Variants in JOSD2 observed in about 807,000 individuals in gnomAD.
The protein encoded by JOSD2 is Josephin domain containing 2, also known as josephin-2.
A neutral mutation model predicts 19.3 loss-of-function variants in JOSD2; 20 were observed. The ratio of observed to expected loss-of-function variants is 1.04; its 90% CI spans 0.73 to 1.51. JOSD2 has a LOEUF of 1.51. Among genes scored for constraint, JOSD2 ranks in the 40% most tolerant of loss-of-function variants. The probability of loss-of-function intolerance (pLI) is 0.00; values close to 1 mark genes in which losing one functional copy is unlikely to be tolerated. For synonymous variants in JOSD2, 118 were observed against 123.7 expected (o/e 0.95, Z 0.31); for missense variants, 215 against 250.4 (o/e 0.86, Z 0.95).
At chr19:50,509,910 G>A (rs1041986369) in intron 2 of JOSD2, among the ~76,000 whole-genome samples, 16 of 151,872 alleles carry the variant, frequency 1.1e-4, no homozygotes, top group Admixed American at 5.2e-4. Context: ...AAAATTAGCC[G>A]GGCGTGGTGG....
intron 2 of JOSD2, chr19:50,510,000 C>T (rs1200763395): frequency 1.0e-5 from 3 of 295,832 alleles, no homozygotes; most frequent in East Asian, 8.8e-5. Flanking sequence ...TCGCAGTGAG[C>T]GAGATCGCGC....
In JOSD2 at chr19:50,510,401, G is replaced by A; in HGVS notation, c.31C>T (p.Pro11Ser). 1 of 1,612,212 alleles carries A rather than the reference G, an allele frequency of 6.2e-7. No individual in the cohort carries two copies. The highest frequency in any genetic ancestry group is 8.5e-7 in the Non-Finnish European group (1 of 1,179,190). The change falls in exon 2 of 5, where the codon CCA becomes TCA. Residue 11 changes from proline (P) to serine (S), a missense_variant. By Grantham distance (74) the Pro-to-Ser change is moderately conservative (BLOSUM62 -1). Transcript: ENST00000598418. MSQAPGAQPS[P>S]PTVYHERQRL... ...TGCCGTTCGTGGTACACGGTGGGTG[G>A]GCTCGGCTGTGCTCCCGGGGCCTGG... is the stretch of plus-strand genomic sequence containing the variant.
Position 50,510,291 on chromosome 19 carries a change from G to A in JOSD2, c.141C>T (p.Cys47=), listed in dbSNP as rs781751120. 20 of 1,613,270 alleles carry A rather than the reference G, an allele frequency of 1.2e-5. No individual in the cohort carries two copies. Among genetic ancestry groups the A allele is most frequent in the Non-Finnish European group, 1.6e-5 (19 of 1,180,002 alleles). ...LFSQEAADEI[C]KRLAPDSRLN... ...CTGGGGTGGGTGACGGTCACCTCTT[G>A]CAGATCTCATCGGCAGCCTCCTGGC... Residue 47 remains cysteine, a synonymous_variant, in exon 2 of 5, where the codon TGC becomes TGT. Coordinates refer to ENST00000598418, the MANE Select transcript of JOSD2 (RefSeq NM_001270639.2).
chr19:50,508,698 CGTGTGTGTGTGTGTGT>C (rs58475114), intron 2 of JOSD2, among the ~76,000 whole-genome samples: 37 of 140,910 alleles, frequency 2.6e-4, no homozygotes, highest in African/African-American at 6.6e-4. Context: ...GGAAAACGCT[CGTGTGTGTGTGTGTGT>C]GTGTGTGTGT....
chr19:50,507,590 A>G lies in JOSD2; in HGVS notation c.256T>C (p.Trp86Arg), dbSNP rs755743095. 3 of 1,606,420 alleles carry G rather than the reference A, an allele frequency of 1.9e-6. No homozygotes were observed. In the African/African-American group the frequency reaches 4.0e-5, roughly 21 times the overall value. Residue 86 changes from tryptophan to arginine, a missense_variant, in exon 3 of 5, where the codon TGG (tryptophan) becomes CGG (arginine). Transcript: ENST00000598418. Reference protein sequence around the residue: ...ALQGLGLAAVWWDRRRPLSQL... With the variant: ...ALQGLGLAAVRWDRRRPLSQL... ...GGGGCCTACCTCCTCCTGTCCCACCACACGGCGGCCAGGCCCAGCCCCTGC... is the reference window on the plus strand; with the variant it reads ...GGGGCCTACCTCCTCCTGTCCCACCGCACGGCGGCCAGGCCCAGCCCCTGC...
chr19:50,509,538 G>A (rs1447291194), intron 2 of JOSD2, among the ~76,000 whole-genome samples: 2 of 152,172 alleles, frequency 1.3e-5, no homozygotes, highest in East Asian at 3.9e-4. Flanking sequence ...GTTTGAGGGG[G>A]GCCGTGAGGG....
In JOSD2 at chr19:50,506,380, G is replaced by C. The variant is rs201704506; in HGVS notation, c.465C>G (p.Val155=). 1.9e-4 allele frequency: 299 copies of C among 1,605,636 alleles called. No homozygotes were observed. In the East Asian group the frequency reaches 5.1e-3, roughly 27 times the overall value. The change falls in exon 4 of 5, where the codon GTC becomes GTG. Residue 155 remains valine, a splice_region_variant and synonymous_variant. Transcript: ENST00000598418. ...GGAATCGCCTCTGTGGGGCTCACCTGACTCCGTCCTCATCCCCCAGGGCCT... is the reference window on the plus strand; with the variant it reads ...GGAATCGCCTCTGTGGGGCTCACCTCACTCCGTCCTCATCCCCCAGGGCCT... ...APEALGDEDG[V]RAFLAAALAQ...
chr19:50,506,200 C>T lies in JOSD2; in HGVS notation c.540G>A (p.Glu180=), dbSNP rs1350032855. ...VLLVVTKEVE[E]KGSWLRTD The stretch of plus-strand genomic sequence containing the variant: ...AGTCTGTCCGCAGCCAGCTGCCCTT[C>T]TCCTCCACCTCCTTGGTCACTACCA... The change falls in exon 5 of 5, where the codon GAG becomes GAA. Residue 180 remains glutamate, a synonymous_variant. Transcript: ENST00000598418. 9 of 1,612,734 alleles carry T rather than the reference C, an allele frequency of 5.6e-6. No individual in the cohort carries two copies. The highest frequency in any genetic ancestry group is 3.3e-5 in the South Asian group (3 of 91,084).
intron 2 of JOSD2, 75 bp downstream of exon 2, chr19:50,510,211 G>T (rs1000389631): frequency 6.3e-7 from 1 of 1,585,594 alleles, no homozygotes. Context: ...CTCAGCGCCT[G>T]CCTGGCGGCG....
At position 50,506,251 on chromosome 19, in the gene JOSD2, C is replaced by T. The variant is rs1979324709; in HGVS notation, c.489G>A (p.Leu163=). The T allele has an allele frequency of 6.2e-7, 1 of 1,612,712 alleles. No homozygotes were observed. The highest frequency in any genetic ancestry group is 1.3e-5 in the African/African-American group (1 of 75,054). Residue 163 remains leucine, a synonymous_variant, in exon 5 of 5, where the codon CTG becomes CTA. Coordinates refer to ENST00000598418, the MANE Select transcript of JOSD2 (RefSeq NM_001270639.2). ...GCAGCACCTCGCACAGGCCCTGGGC[C>T]AGCGCAGCCGCCAGGAAGGCCCTGG... ...DGVRAFLAAA[L]AQGLCEVLLV... is the part of the protein sequence containing the mutation.
At chr19:50,507,474 C>T (rs1006229050) in intron 3 of JOSD2, 100 bp downstream of exon 3, 29 of 1,473,904 alleles carry the variant, frequency 2.0e-5, no homozygotes, top group Non-Finnish European at 2.5e-5. Context: ...TCATGCCAAC[C>T]TCCCCCAGCC....
Position 50,507,675 on chromosome 19 carries a change from G to T in JOSD2, c.171C>A (p.Asn57Lys). 6.2e-7 allele frequency: 1 copy of T among 1,612,018 alleles called. No individual in the cohort carries two copies. The highest frequency in any genetic ancestry group is 8.5e-7 in the Non-Finnish European group (1 of 1,179,844). Residue 57 changes from asparagine to lysine, a missense_variant, in exon 3 of 5, where the codon AAC becomes AAA. Asn to Lys is a moderately conservative substitution (Grantham distance 94). Coordinates refer to ENST00000598418, the MANE Select transcript of JOSD2 (RefSeq NM_001270639.2). ...CKRLAPDSRL[N>K]PHRSLLGTGN... ...CGGTGCCCAGGAGGCTGCGATGAGG[G>T]TTCAGCCGGGAGTCTGGGGCCAACC...
At chr19:50,510,577 C>T in intron 1 of JOSD2, 129 bp from the exon 2 acceptor site, 1 of 788,136 alleles carries the variant, frequency 1.3e-6, no homozygotes, top group Non-Finnish European at 2.0e-6. Context: ...CACTGGGCCC[C>T]TGACCCCGCT....
chr19:50,510,560 A>G, intron 1 of JOSD2, 112 bp from the exon 2 acceptor site: 1 of 1,029,048 alleles, frequency 9.7e-7, no homozygotes, highest in Non-Finnish European at 1.4e-6. Context: ...GGAGCAGCCC[A>G]GGAAGACACT....
chr19:50,509,849 T>G (rs542817190), intron 2 of JOSD2, among the ~76,000 whole-genome samples: 171 of 151,436 alleles, frequency 1.1e-3, no homozygotes, highest in African/African-American at 3.5e-3. Flanking sequence ...GTCAGGAGAT[T>G]GAGACCATCC....
chr19:50,508,241 G>A lies in JOSD2; in HGVS notation c.147-542C>T, dbSNP rs545702268. On this transcript the variant is annotated intron_variant, in intron 2 of 4. Transcript: ENST00000598418. ...CTTCAAGGCCCACCTCAGATGTCAC[G>A]TCCTCTGAGAGGAGCCTCCTGACCT... is the stretch of plus-strand genomic sequence containing the variant. 2.0e-3 allele frequency among the ~76,000 whole-genome samples: 304 copies of A among 152,254 alleles called. 1 individual carries two copies. The highest frequency in any genetic ancestry group is 6.9e-3 in the African/African-American group (285 of 41,548).
chr19:50,510,361 C>A lies in JOSD2; in HGVS notation c.71G>T (p.Cys24Phe), dbSNP rs1004252162. Residue 24 changes from cysteine (C) to phenylalanine (F), a missense_variant, in exon 2 of 5, where the codon TGT (cysteine) becomes TTT (phenylalanine). By Grantham distance (205) the Cys-to-Phe change is radical. Transcript: ENST00000598418. ...VYHERQRLEL[C>F]AVHALNNVLQ... is the part of the protein sequence containing the mutation. ...AACGTTGTTGAGGGCGTGGACAGCA[C>A]ACAGCTCCAGGCGCTGCCGTTCGTG... The A allele has an allele frequency of 1.2e-6, 2 of 1,613,448 alleles. No homozygotes were observed. Among genetic ancestry groups the A allele is most frequent in the Admixed American group, 1.7e-5 (1 of 59,996 alleles).
chr19:50,506,206 C>T lies in JOSD2; in HGVS notation c.534G>A (p.Val178=), dbSNP rs755105791. 4.3e-6 allele frequency: 7 copies of T among 1,612,638 alleles called. No individual in the cohort carries two copies. The Admixed American group carries it at 6.7e-5, about 15-fold the overall frequency. ...TCCGCAGCCAGCTGCCCTTCTCCTC[C>T]ACCTCCTTGGTCACTACCAGCAGCA... ...CEVLLVVTKE[V]EEKGSWLRTD The change falls in exon 5 of 5, where the codon GTG becomes GTA. Residue 178 remains valine, a synonymous_variant. Transcript: ENST00000598418.
At chr19:50,506,713 G>A in intron 3 of JOSD2, 141 bp from the exon 4 acceptor site, 1 of 739,822 alleles carries the variant, frequency 1.4e-6, no homozygotes, top group South Asian at 1.9e-5. Flanking sequence ...AGCCACCCTG[G>A]TTCCCGACAC....
Sources: allele counts gnomAD v4.1 joint callset (sites outside exome capture counted in the v4.1 genomes callset), GRCh38; gene constraint gnomAD v4.1.1; transcripts MANE v1.5; gene names NCBI Gene and HGNC (gene_info 2026-07-23, HGNC 2026-07-21).